Variants in ADGRV1 observed in about 807,000 individuals in gnomAD.
ADGRV1 encodes adhesion G protein-coupled receptor V1, also known as G-protein coupled receptor 98.
A neutral mutation model predicts 596.2 loss-of-function variants in ADGRV1; 359 were observed. The ratio of observed to expected loss-of-function variants is 0.60; its 90% CI spans 0.55 to 0.66. ADGRV1 has a LOEUF of 0.66. Ranked by LOEUF, ADGRV1 falls within the 30% of genes least tolerant of loss-of-function variation. The pLI, the probability that ADGRV1 is intolerant of heterozygous loss-of-function variation, is 0.00. For synonymous variants in ADGRV1, 2,681 were observed against 2,679.2 expected (o/e 1.00, Z -0.02); for missense variants, 7,274 against 7,575.6 (o/e 0.96, Z 1.48).
chr5:90,712,466 C>T, intron 42 of ADGRV1, 38 bp downstream of exon 42: 1 of 1,469,440 alleles, frequency 6.8e-7, no homozygotes. Flanking sequence ...TCCTCTCCTT[C>T]ATGCTGGGTT....
At chr5:90,740,830 C>T (rs1378422411) in intron 50 of ADGRV1, among the ~76,000 whole-genome samples, 3 of 152,126 alleles carry the variant, frequency 2.0e-5, no homozygotes, top group Middle Eastern at 3.2e-3. Flanking sequence ...CCACAGTTCC[C>T]GGGGAATCTC....
At chr5:90,910,208 C>T (rs952688372) in intron 83 of ADGRV1, among the ~76,000 whole-genome samples, 14 of 152,204 alleles carry the variant, frequency 9.2e-5, no homozygotes, top group African/African-American at 3.1e-4. Flanking sequence ...CTACTTGTGA[C>T]GCAGTCACAT....
At chr5:91,071,530 GA>G (rs1788388086) in intron 85 of ADGRV1, among the ~76,000 whole-genome samples, 1 of 152,092 alleles carries the variant, frequency 6.6e-6, no homozygotes. Flanking sequence ...TGAAAAAGGA[GA>G]AGGGTTTAAT....
At chr5:91,051,915 A>G (rs1786371285) in intron 85 of ADGRV1, among the ~76,000 whole-genome samples, 1 of 152,248 alleles carries the variant, frequency 6.6e-6, no homozygotes, top group East Asian at 1.9e-4. Context: ...TGTTTGCTAT[A>G]TAAAAACTTC....
chr5:90,879,895 G>A (rs2150535684), intron 83 of ADGRV1, among the ~76,000 whole-genome samples: 1 of 152,160 alleles, frequency 6.6e-6, no homozygotes, highest in East Asian at 1.9e-4. Flanking sequence ...AGGTTGCTGT[G>A]AGCTGAGATT....
At chr5:91,078,858 C>T (rs1489356735) in intron 86 of ADGRV1, among the ~76,000 whole-genome samples, 1 of 152,226 alleles carries the variant, frequency 6.6e-6, no homozygotes, top group African/African-American at 2.4e-5. Flanking sequence ...TTTTAAGTCA[C>T]TAAGTTTGGT....
At chr5:90,621,318 G>A (rs1764036667) in intron 4 of ADGRV1, among the ~76,000 whole-genome samples, 1 of 152,166 alleles carries the variant, frequency 6.6e-6, no homozygotes, top group Non-Finnish European at 1.5e-5. Context: ...TTTGAAAGAA[G>A]TGGGCTATAA....
At chr5:90,890,134 T>G (rs1770670449) in intron 83 of ADGRV1, among the ~76,000 whole-genome samples, 1 of 152,208 alleles carries the variant, frequency 6.6e-6, no homozygotes, top group Non-Finnish European at 1.5e-5. Context: ...TAAGATTGCT[T>G]TAGCTATTTT....
At chr5:91,101,010 G>A (rs988382544) in intron 86 of ADGRV1, among the ~76,000 whole-genome samples, 7 of 150,582 alleles carry the variant, frequency 4.6e-5, no homozygotes, top group East Asian at 3.9e-4. Flanking sequence ...AACTATACAC[G>A]ACTGGATCTC....
At chr5:90,698,636 CTG>C (rs1490051346) in intron 34 of ADGRV1, among the ~76,000 whole-genome samples, 1 of 152,090 alleles carries the variant, frequency 6.6e-6, no homozygotes, top group African/African-American at 2.4e-5. Context: ...GAACCTGACT[CTG>C]TTTCAGGTTA....
intron 85 of ADGRV1, among the ~76,000 whole-genome samples, chr5:91,025,108 T>G (rs1397230622): frequency 1.3e-5 from 2 of 152,130 alleles, no homozygotes; most frequent in Admixed American, 1.3e-4. Context: ...ACAAAAGACC[T>G]GCCACATATT....
Position 90,759,476 on chromosome 5 carries a change from T to C in ADGRV1, c.12008T>C (p.Ile4003Thr), listed in dbSNP as rs376911431. The change falls in exon 58 of 90, where the codon ATT (isoleucine) becomes ACT (threonine). Residue 4003 changes from isoleucine (I) to threonine (T), a missense_variant. Physicochemically the swap from Ile to Thr is moderately conservative, Grantham distance 89. Transcript: ENST00000405460. Reference protein sequence around the residue: ...AEFELTETFNISLISVAGGGR... With the variant: ...AEFELTETFNTSLISVAGGGR... ...TTTGAATTGACAGAGACGTTCAATA[T>C]TTCCTTGATCAGTGTTGCTGGAGGT... is the stretch of plus-strand genomic sequence containing the variant. The C allele has an allele frequency of 6.5e-5, 104 of 1,608,336 alleles. No homozygotes were observed. The highest frequency in any genetic ancestry group is 8.3e-5 in the Non-Finnish European group (98 of 1,176,924).
rs547540101 is a variant in ADGRV1, at chr5:91,085,366, A to G, written c.18310+12762A>G. Among the ~76,000 whole-genome samples, 9 of 152,318 alleles carry G rather than the reference A, an allele frequency of 5.9e-5. No individual in the cohort carries two copies. The South Asian group carries it at 1.9e-3, about 32-fold the overall frequency. The stretch of plus-strand genomic sequence containing the variant: ...CTGTAACGGATACTTATTTATTATA[A>G]GTACTCTTAACTAAGCCATCTCTGC... On this transcript the variant is annotated intron_variant, in intron 86 of 89. Coordinates refer to ENST00000405460, the MANE Select transcript of ADGRV1 (RefSeq NM_032119.4).
intron 85 of ADGRV1, among the ~76,000 whole-genome samples, chr5:91,049,831 G>A (rs1786156577): frequency 6.6e-6 from 1 of 152,180 alleles, no homozygotes; most frequent in African/African-American, 2.4e-5. Flanking sequence ...GTTCCACAGG[G>A]CCAACTTTAG....
intron 88 of ADGRV1, among the ~76,000 whole-genome samples, chr5:91,152,582 G>A (rs1464397566): frequency 1.3e-5 from 2 of 152,202 alleles, no homozygotes; most frequent in Non-Finnish European, 2.9e-5. Context: ...TAGAATCACA[G>A]ATTAAATTGT....
At chr5:90,674,381 T>G (rs1028838467) in intron 23 of ADGRV1, 147 bp downstream of exon 23, 1 of 460,750 alleles carries the variant, frequency 2.2e-6, no homozygotes, top group Non-Finnish European at 3.8e-6. Context: ...TGTATGCTAC[T>G]GTTTTGAGAG....
At chr5:90,662,839 C>A (rs1174279649) in intron 21 of ADGRV1, among the ~76,000 whole-genome samples, 4 of 152,088 alleles carry the variant, frequency 2.6e-5, no homozygotes, top group Admixed American at 2.6e-4. Flanking sequence ...TCAGTTCCCA[C>A]CTATGAGTGA....
intron 83 of ADGRV1, among the ~76,000 whole-genome samples, chr5:90,942,842 G>A (rs1036732675): frequency 6.6e-6 from 1 of 152,156 alleles, no homozygotes; most frequent in South Asian, 2.1e-4. Flanking sequence ...TGTAGGAAAA[G>A]GGAGTCTTGG....
rs1444069841 is a variant in ADGRV1 at position 90,629,292 on chromosome 5, G to A, written c.1592G>A (p.Ser531Asn). 5.6e-6 allele frequency: 9 copies of A among 1,613,360 alleles called. No homozygotes were observed. Among genetic ancestry groups the A allele is most frequent in the Non-Finnish European group, 5.1e-6 (6 of 1,179,622 alleles). Residue 531 changes from serine to asparagine, a missense_variant, in exon 9 of 90, where the codon AGC becomes AAC. By Grantham distance (46) the Ser-to-Asn change is conservative. This residue lies in a region of ADGRV1 where 1,715 missense variants were observed against 1,708.8 expected (regional missense o/e 1.00). Coordinates refer to ENST00000405460, the MANE Select transcript of ADGRV1 (RefSeq NM_032119.4). ...ATGGAAAACCAGAAGATTGAAAGCA[G>A]CCCAGGTGAACGATACTTATCCTTG... is the stretch of plus-strand genomic sequence containing the variant. ...FPMENQKIES[S>N]PGERYLSLSF... is the part of the protein sequence containing the mutation.
Sources: allele counts gnomAD v4.1 joint callset (sites outside exome capture counted in the v4.1 genomes callset), GRCh38; gene constraint gnomAD v4.1.1; regional missense constraint gnomAD v4.1.1; transcripts MANE v1.5; gene names NCBI Gene and HGNC (gene_info 2026-07-23, HGNC 2026-07-21).